NPAS3: variants seen among roughly 807,000 people sequenced by gnomAD.
NPAS3 encodes the protein neuronal PAS domain protein 3, also known as neuronal PAS domain-containing protein 3.
A neutral mutation model predicts 73.1 loss-of-function variants in NPAS3; 14 were observed. The observed-to-expected ratio is 0.19, with a 90% confidence interval of 0.13 to 0.30. NPAS3 has a LOEUF of 0.30. NPAS3 is among the 10% of genes least tolerant of loss of function. NPAS3 has a pLI of 1.00. For missense variants in NPAS3, 1,096 were observed against 1,250.0 expected (o/e 0.88, Z 1.86); for synonymous variants, 620 against 541.5 (o/e 1.14, Z -2.01).
At chr14:33,111,077 T>C (rs974782698) in intron 2 of NPAS3, among the ~76,000 whole-genome samples, 5 of 152,174 alleles carry the variant, frequency 3.3e-5, no homozygotes, top group Admixed American at 3.3e-4. Context: ...AGGCTGATCC[T>C]GCAAGTGCTG....
At chr14:32,936,786 TC>T (rs1223845653), upstream of NPAS3, among the ~76,000 whole-genome samples, 1 of 152,182 alleles carries the variant, frequency 6.6e-6, no homozygotes, top group East Asian at 1.9e-4. Flanking sequence ...GAGAGAATTT[TC>T]CCTCAAGGCA....
intron 1 of NPAS3, among the ~76,000 whole-genome samples, chr14:33,054,773 C>T (rs1057018436): frequency 2.0e-5 from 3 of 151,814 alleles, no homozygotes; most frequent in Non-Finnish European, 2.9e-5. Context: ...CCACCACGCC[C>T]GGCTAATTTT....
Position 33,544,788 on chromosome 14 carries a change from T to TTTTATATATATATATATATA in NPAS3, c.469-15332_469-15331insTTATATATATATATATATAT, listed in dbSNP as rs1555409893. Among the ~76,000 whole-genome samples, 18 of 63,260 alleles carry TTTTATATATATATATATATA rather than the reference T, an allele frequency of 2.8e-4. 2 individuals carry two copies. The highest frequency in any genetic ancestry group is 1.5e-3 in the African/African-American group (17 of 11,580). 41.5% of individuals were successfully genotyped at this position (63,260 alleles called of 152,430 possible). On this transcript the variant is annotated intron_variant, in intron 4 of 11. Transcript: ENST00000356141. ...GCATGTATGTGTTTATGTGTGTGTA[T>TTTTATATATATATATATATA]TATATATATATATATATATATATGT...
chr14:33,678,356 T>C (rs10140903), intron 6 of NPAS3, among the ~76,000 whole-genome samples: 4,514 of 151,110 alleles, frequency 0.03, 203 homozygotes, highest in African/African-American at 0.1. Flanking sequence ...ATTTACTCCT[T>C]CTTCCCTATC....
intron 1 of NPAS3, among the ~76,000 whole-genome samples, chr14:32,970,158 G>A (rs774722010): frequency 1.3e-5 from 2 of 152,110 alleles, no homozygotes; most frequent in Non-Finnish European, 2.9e-5. Context: ...TGTATTAATG[G>A]AAAAGCAACT....
At chr14:33,136,965 C>T (rs370378839) in intron 2 of NPAS3, among the ~76,000 whole-genome samples, 4 of 152,028 alleles carry the variant, frequency 2.6e-5, no homozygotes, top group African/African-American at 9.7e-5. Flanking sequence ...TTCTTCGTGG[C>T]CATTGATTAA....
chr14:32,953,260 T>C (rs911774498), intron 1 of NPAS3, among the ~76,000 whole-genome samples: 3 of 152,162 alleles, frequency 2.0e-5, no homozygotes, highest in African/African-American at 7.2e-5. Flanking sequence ...TAGACTTGGG[T>C]TGAACCAAAC....
chr14:33,424,480 G>T (rs757412501), intron 4 of NPAS3, among the ~76,000 whole-genome samples: 2 of 151,972 alleles, frequency 1.3e-5, no homozygotes, highest in Non-Finnish European at 2.9e-5. Context: ...AAGCCTGGAG[G>T]TCAGGGCACT....
chr14:33,478,666 C>A (rs113509833), intron 4 of NPAS3, among the ~76,000 whole-genome samples: 1 of 152,086 alleles, frequency 6.6e-6, no homozygotes, highest in African/African-American at 2.4e-5. Flanking sequence ...TAGAAAGTTG[C>A]GTTTGGGCAA....
intron 4 of NPAS3, among the ~76,000 whole-genome samples, chr14:33,471,051 C>T (rs2050759577): frequency 1.3e-5 from 2 of 152,108 alleles, no homozygotes; most frequent in South Asian, 4.1e-4. Flanking sequence ...GCCAGTTATA[C>T]GCTGTCCTCC....
At chr14:33,655,108 G>A (rs2149831) in intron 5 of NPAS3, among the ~76,000 whole-genome samples, 82,383 of 151,898 alleles carry the variant, frequency 0.54, 22,555 homozygotes, top group African/African-American at 0.62. Flanking sequence ...GATCTTTTCA[G>A]TTCAGCCCCT....
intron 4 of NPAS3, among the ~76,000 whole-genome samples, chr14:33,544,839 AT>A (rs1324815533): frequency 3.9e-5 from 5 of 128,450 alleles, no homozygotes; most frequent in African/African-American, 1.6e-4. Context: ...GTGTATATAT[AT>A]ATTATATATA....
chr14:33,108,579 A>G (rs1376505714), intron 2 of NPAS3, among the ~76,000 whole-genome samples: 2 of 152,210 alleles, frequency 1.3e-5, no homozygotes. Flanking sequence ...AAGCAAATGC[A>G]TTTTAGAATC....
chr14:33,793,600 G>A (rs901026309), intron 9 of NPAS3, among the ~76,000 whole-genome samples: 2 of 152,128 alleles, frequency 1.3e-5, no homozygotes, highest in African/African-American at 4.8e-5. Flanking sequence ...ACCGCATTAG[G>A]TGTTCTGTGA....
intron 9 of NPAS3, among the ~76,000 whole-genome samples, chr14:33,787,565 A>G (rs1024287243): frequency 6.7e-6 from 1 of 149,234 alleles, no homozygotes; most frequent in Non-Finnish European, 1.5e-5. Flanking sequence ...AATATCCTTC[A>G]ATTCTACCAA....
intron 5 of NPAS3, among the ~76,000 whole-genome samples, chr14:33,643,892 T>G (rs979702886): frequency 9.2e-5 from 14 of 152,216 alleles, no homozygotes; most frequent in Admixed American, 2.0e-4. Context: ...AGAAGATTTT[T>G]TTTTTAACCT....
chr14:33,609,815 G>A (rs181880793), intron 5 of NPAS3, among the ~76,000 whole-genome samples: 6 of 152,118 alleles, frequency 3.9e-5, no homozygotes, highest in Admixed American at 2.0e-4. Context: ...CTGCAGCGCC[G>A]AGTCTCTGAC....
At chr14:33,782,606 C>T (rs1345528302) in intron 9 of NPAS3, among the ~76,000 whole-genome samples, 1 of 152,100 alleles carries the variant, frequency 6.6e-6, no homozygotes, top group African/African-American at 2.4e-5. Context: ...TTCTGCTCCA[C>T]CAGGGAGGCT....
At chr14:33,681,068 G>A (rs113688530) in intron 6 of NPAS3, 1,762 of 156,348 alleles carry the variant, frequency 0.011, 29 homozygotes, top group African/African-American at 0.04. Flanking sequence ...GTAAATTGCT[G>A]ACTACTCCTA....
Sources: allele counts gnomAD v4.1 joint callset (sites outside exome capture counted in the v4.1 genomes callset), GRCh38; gene constraint gnomAD v4.1.1; transcripts MANE v1.5; gene names NCBI Gene and HGNC (gene_info 2026-07-23, HGNC 2026-07-21).